MAP7: variants seen among roughly 807,000 people sequenced by gnomAD.
MAP7 encodes microtubule associated protein 7.
Under a neutral mutation model 94.8 loss-of-function variants are expected in MAP7, and 52 were observed. The observed-to-expected ratio is 0.55, with a 90% confidence interval of 0.44 to 0.69. The LOEUF is 0.69. MAP7 is among the 30% of genes least tolerant of loss of function. The pLI, the probability that MAP7 is intolerant of heterozygous loss-of-function variation, is 0.00. For missense variants in MAP7, 940 were observed against 964.6 expected (o/e 0.97, Z 0.34); for synonymous variants, 350 against 357.0 (o/e 0.98, Z 0.22).
intron 1 of MAP7, among the ~76,000 whole-genome samples, chr6:136,529,127 C>T (rs1479984929): frequency 2.0e-5 from 3 of 151,994 alleles, no homozygotes; most frequent in Non-Finnish European, 4.4e-5. Flanking sequence ...CTCTGAATTC[C>T]TGAACTCTTT....
At chr6:136,454,272 G>T (rs963178997) in intron 1 of MAP7, among the ~76,000 whole-genome samples, 5 of 141,350 alleles carry the variant, frequency 3.5e-5, no homozygotes, top group African/African-American at 1.1e-4. Context: ...CTACCTAAAT[G>T]ATCTATCTAT....
In MAP7 at chr6:136,381,860, C is replaced by A. The variant is rs534816144; in HGVS notation, c.637+1811G>T. 6.3e-5 allele frequency among the ~76,000 whole-genome samples: 9 copies of A among 143,112 alleles called. No homozygotes were observed. The Admixed American group carries it at 6.6e-4, about 10-fold the overall frequency. 93.9% of individuals were successfully genotyped at this position (143,112 alleles called of 152,430 possible). A position where few individuals can be genotyped will look rare whatever the true frequency, so the allele number is the denominator to read the frequency against. On this transcript the variant is annotated intron_variant, in intron 6 of 17. Transcript: ENST00000354570. ...TGTCCTATGTCCTAATTCTCTACTC[C>A]TTACCACTTCTAACCTTACACACAC...
intron 1 of MAP7, chr6:136,545,099 T>C (rs1162967724): frequency 6.6e-6 from 1 of 152,250 alleles, no homozygotes; most frequent in African/African-American, 2.4e-5. Context: ...ATTGCCATGC[T>C]AATGACTGCC....
chr6:136,397,649 G>A (rs1179644718), intron 3 of MAP7, among the ~76,000 whole-genome samples: 1 of 152,138 alleles, frequency 6.6e-6, no homozygotes, highest in East Asian at 1.9e-4. Flanking sequence ...AATACCATGT[G>A]AGGACAAAGT....
chr6:136,399,742 C>A (rs1783539595), intron 3 of MAP7, among the ~76,000 whole-genome samples: 1 of 152,160 alleles, frequency 6.6e-6, no homozygotes, highest in Non-Finnish European at 1.5e-5. Flanking sequence ...TATTCAAATA[C>A]ATGTCATTTT....
At chr6:136,347,941 TAAG>T (rs1398309870) in intron 16 of MAP7, among the ~76,000 whole-genome samples, 1 of 151,942 alleles carries the variant, frequency 6.6e-6, no homozygotes, top group East Asian at 1.9e-4. Context: ...GCTATTTTAC[TAAG>T]AAGGGAAGGG....
chr6:136,441,357 T>G (rs1157332019), intron 1 of MAP7, among the ~76,000 whole-genome samples: 2 of 152,306 alleles, frequency 1.3e-5, no homozygotes, highest in African/African-American at 4.8e-5. Context: ...GTGTTTACAT[T>G]GCAAAAAAAC....
chr6:136,494,137 G>A, intron 1 of MAP7, among the ~76,000 whole-genome samples: 1 of 152,184 alleles, frequency 6.6e-6, no homozygotes, highest in East Asian at 1.9e-4. Context: ...CAACGAATTA[G>A]TAGAACCAAG....
intron 1 of MAP7, among the ~76,000 whole-genome samples, chr6:136,517,971 A>T (rs923865964): frequency 1.3e-5 from 2 of 152,294 alleles, no homozygotes; most frequent in African/African-American, 4.8e-5. Context: ...GGAAGTTTTT[A>T]AAAGGGGCTA....
At chr6:136,381,617 T>C (rs925270049) in intron 6 of MAP7, among the ~76,000 whole-genome samples, 2 of 152,054 alleles carry the variant, frequency 1.3e-5, no homozygotes, top group African/African-American at 4.8e-5. Flanking sequence ...CTAGACAATA[T>C]ATGGGAGCCC....
At chr6:136,480,459 G>A (rs979801708) in intron 1 of MAP7, among the ~76,000 whole-genome samples, 2 of 151,762 alleles carry the variant, frequency 1.3e-5, no homozygotes, top group South Asian at 2.1e-4. Context: ...TGGCTAACAC[G>A]GTGAAACCCC....
chr6:136,383,717 C>T lies in MAP7; in HGVS notation c.591G>A (p.Lys197=). The change falls in exon 6 of 18, where the codon AAG becomes AAA. Residue 197 remains lysine (K), a synonymous_variant. Transcript: ENST00000354570. ...LSKYVDPVIS[K]RLSSSSATLL... ...AAGTTGCAGATGAAGAGGAGAGCCG[C>T]TTGCTAATGACGGGATCAACATATT... 6.2e-7 allele frequency: 1 copy of T among 1,611,116 alleles called. No individual in the cohort carries two copies. Among genetic ancestry groups the T allele is most frequent in the Non-Finnish European group, 8.5e-7 (1 of 1,178,552 alleles).
At chr6:136,426,759 T>C (rs1360252134) in intron 1 of MAP7, among the ~76,000 whole-genome samples, 2 of 152,172 alleles carry the variant, frequency 1.3e-5, no homozygotes, top group Non-Finnish European at 2.9e-5. Flanking sequence ...CAAGAGAAAC[T>C]GGCTAAGGTC....
intron 1 of MAP7, among the ~76,000 whole-genome samples, chr6:136,456,822 G>GAAGAAGAAGAAGAAGGAAGAAGAAGAA (rs1554259490): frequency 2.9e-5 from 2 of 69,022 alleles, no homozygotes; most frequent in East Asian, 6.8e-4. Context: ...AGAAGAAGAA[G>GAAGAAGAAGAAGAAGGAAGAAGAAGAA]GAAGAAGAAG....
intron 1 of MAP7, among the ~76,000 whole-genome samples, chr6:136,465,920 TA>T (rs1582996365): frequency 6.6e-6 from 1 of 152,206 alleles, no homozygotes; most frequent in East Asian, 1.9e-4. Flanking sequence ...TGAAGATTTA[TA>T]TTTTTAAAAG....
intron 3 of MAP7, among the ~76,000 whole-genome samples, chr6:136,402,433 TAAG>T: frequency 6.6e-6 from 1 of 152,320 alleles, no homozygotes; most frequent in East Asian, 1.9e-4. Flanking sequence ...AGCTGCCTGA[TAAG>T]AAGTGTGACC....
chr6:136,486,161 A>G lies in MAP7; in HGVS notation c.67+64181T>C, dbSNP rs1017511476. Among the ~76,000 whole-genome samples, 5 of 152,252 alleles carry G rather than the reference A, an allele frequency of 3.3e-5. No homozygotes were observed. In the East Asian group the frequency reaches 5.8e-4, roughly 18 times the overall value. On this transcript the variant is annotated intron_variant, in intron 1 of 17. Coordinates refer to ENST00000354570, the MANE Select transcript of MAP7 (RefSeq NM_003980.6). ...AGAGCAGCTATCTGCTGAGTTCACTAAAGTCAATGCCAAAATCTAGGAGCT... is the reference window on the plus strand; with the variant it reads ...AGAGCAGCTATCTGCTGAGTTCACTGAAGTCAATGCCAAAATCTAGGAGCT...
At chr6:136,430,914 C>T (rs1286797384) in intron 1 of MAP7, among the ~76,000 whole-genome samples, 1 of 152,178 alleles carries the variant, frequency 6.6e-6, no homozygotes, top group Admixed American at 6.5e-5. Context: ...GCCCCCACCG[C>T]CTATCCCACC....
chr6:136,426,111 T>C (rs943211911), intron 1 of MAP7, among the ~76,000 whole-genome samples: 2 of 152,224 alleles, frequency 1.3e-5, no homozygotes, highest in African/African-American at 4.8e-5. Flanking sequence ...CATCAGTCAC[T>C]GTCGAGTGTG....
Sources: allele counts gnomAD v4.1 joint callset (sites outside exome capture counted in the v4.1 genomes callset), GRCh38; gene constraint gnomAD v4.1.1; transcripts MANE v1.5; gene names NCBI Gene and HGNC (gene_info 2026-07-23, HGNC 2026-07-21).